Variants in CNTNAP2 observed in about 807,000 individuals in gnomAD.
The protein encoded by CNTNAP2 is contactin-associated protein-like 2.
In CNTNAP2, 98 loss-of-function variants were observed where a neutral mutation model predicts 155.2. That is an observed-to-expected ratio of 0.63 (90% CI 0.54 to 0.75). CNTNAP2 has a LOEUF of 0.75. Ranked by LOEUF, CNTNAP2 falls within the 30% of genes least tolerant of loss-of-function variation. The probability of loss-of-function intolerance (pLI) is 0.00; values close to 1 mark genes in which losing one functional copy is unlikely to be tolerated. For missense variants in CNTNAP2, 1,727 were observed against 1,688.1 expected (o/e 1.02, Z -0.40); for synonymous variants, 651 against 631.2 (o/e 1.03, Z -0.47).
intron 15 of CNTNAP2, among the ~76,000 whole-genome samples, chr7:148,096,879 T>A (rs904885055): frequency 1.3e-5 from 2 of 152,100 alleles, no homozygotes; most frequent in Non-Finnish European, 2.9e-5. Flanking sequence ...ACTCAAATAA[T>A]CATTAGCCAA....
At chr7:146,412,112 A>G (rs182742925) in intron 1 of CNTNAP2, among the ~76,000 whole-genome samples, 1 of 152,136 alleles carries the variant, frequency 6.6e-6, no homozygotes, top group African/African-American at 2.4e-5. Flanking sequence ...GGATTACAGG[A>G]GTGAGCCACC....
chr7:147,502,816 C>T (rs1182287704), intron 11 of CNTNAP2, among the ~76,000 whole-genome samples: 1 of 150,574 alleles, frequency 6.6e-6, no homozygotes, highest in Non-Finnish European at 1.5e-5. Flanking sequence ...GTCATGTGTA[C>T]CTCCATGAGA....
chr7:148,052,934 C>A (rs1423512015), intron 15 of CNTNAP2, among the ~76,000 whole-genome samples: 1 of 152,132 alleles, frequency 6.6e-6, no homozygotes, highest in African/African-American at 2.4e-5. Context: ...GTAGTCCCAG[C>A]TACTCGGGAG....
chr7:147,731,807 G>C (rs556706011), intron 13 of CNTNAP2, among the ~76,000 whole-genome samples: 2 of 152,256 alleles, frequency 1.3e-5, no homozygotes, highest in South Asian at 4.1e-4. Context: ...ATGAGAGGGA[G>C]TCAAAAGGTT....
At chr7:146,774,657 C>T (rs1027078770) in intron 2 of CNTNAP2, among the ~76,000 whole-genome samples, 16 of 151,942 alleles carry the variant, frequency 1.1e-4, no homozygotes, top group South Asian at 2.1e-4. Context: ...ATGGCATAAA[C>T]GTTTAGAGTT....
chr7:147,478,342 G>A (rs1375953235), intron 10 of CNTNAP2, among the ~76,000 whole-genome samples: 2 of 151,898 alleles, frequency 1.3e-5, no homozygotes, highest in African/African-American at 2.4e-5. Flanking sequence ...TATTAGAGAC[G>A]AGGTTTCACC....
At chr7:147,476,464 A>C (rs1798322652) in intron 10 of CNTNAP2, among the ~76,000 whole-genome samples, 1 of 150,284 alleles carries the variant, frequency 6.7e-6, no homozygotes, top group African/African-American at 2.4e-5. Flanking sequence ...TCCCGTTAGT[A>C]GTGTTTGTGG....
intron 13 of CNTNAP2, among the ~76,000 whole-genome samples, chr7:147,801,855 G>T (rs1002065474): frequency 6.6e-4 from 100 of 151,730 alleles, no homozygotes; most frequent in South Asian, 1.9e-3. Context: ...TCCCAGACGG[G>T]GGGGGCGGCC....
chr7:146,855,413 A>C (rs1006111113), intron 3 of CNTNAP2, among the ~76,000 whole-genome samples: 51 of 152,300 alleles, frequency 3.3e-4, no homozygotes, highest in African/African-American at 1.2e-3. Flanking sequence ...TTGTAATTAC[A>C]AAATATTGGA....
In CNTNAP2 at chr7:147,597,768, G is replaced by A. The variant is rs1474173775; in HGVS notation, c.1897+35511G>A. On this transcript the variant is annotated intron_variant, in intron 12 of 23. Transcript: ENST00000361727. ...CTTGGGGCTGGTTGCGAGTAAGAGT[G>A]GGAAATTCAAATTTGCAAAGTTAGT... 1.3e-5 allele frequency among the ~76,000 whole-genome samples: 2 copies of A among 152,160 alleles called. 1 individual carries two copies. Among genetic ancestry groups the A allele is most frequent in the Non-Finnish European group, 2.9e-5 (2 of 68,034 alleles).
chr7:147,930,142 A>G (rs143448111), intron 14 of CNTNAP2, among the ~76,000 whole-genome samples: 257 of 152,346 alleles, frequency 1.7e-3, no homozygotes, highest in African/African-American at 5.9e-3. Flanking sequence ...AAAGAAAAAA[A>G]AACAGGAAAG....
chr7:148,218,975 G>T (rs568820745), intron 19 of CNTNAP2, among the ~76,000 whole-genome samples: 1 of 117,486 alleles, frequency 8.5e-6, no homozygotes, highest in African/African-American at 3.4e-5. Flanking sequence ...ATGGAGTCTC[G>T]CTCCATCACC....
chr7:147,596,129 T>C (rs1381539447), intron 12 of CNTNAP2, among the ~76,000 whole-genome samples: 16 of 152,172 alleles, frequency 1.1e-4, no homozygotes, highest in Non-Finnish European at 1.9e-4. Context: ...ATCTGACTTG[T>C]TAAAAATGAA....
intron 4 of CNTNAP2, among the ~76,000 whole-genome samples, chr7:147,092,950 C>T (rs371989791): frequency 3.9e-5 from 6 of 151,926 alleles, no homozygotes; most frequent in East Asian, 1.9e-4. Context: ...TGGCCGGGCG[C>T]GGTGGCTCAC....
intron 13 of CNTNAP2, among the ~76,000 whole-genome samples, chr7:147,798,726 A>T (rs565136130): frequency 6.6e-6 from 1 of 152,316 alleles, no homozygotes; most frequent in African/African-American, 2.4e-5. Context: ...TGGATTTACC[A>T]TGATTGATTT....
intron 21 of CNTNAP2, among the ~76,000 whole-genome samples, chr7:148,336,321 A>G (rs577080599): frequency 4.3e-4 from 66 of 152,310 alleles, no homozygotes; most frequent in African/African-American, 1.4e-3. Context: ...AGTTTCATCT[A>G]GAGAAATATG....
intron 22 of CNTNAP2, among the ~76,000 whole-genome samples, chr7:148,387,653 T>C (rs1421735790): frequency 6.6e-6 from 1 of 152,162 alleles, no homozygotes; most frequent in East Asian, 1.9e-4. Context: ...GGTTCCCAGG[T>C]GACTTACCAC....
chr7:147,494,104 T>C (rs1363330309), intron 11 of CNTNAP2, among the ~76,000 whole-genome samples: 2 of 152,240 alleles, frequency 1.3e-5, no homozygotes, highest in African/African-American at 4.8e-5. Flanking sequence ...AATCACTTTT[T>C]GCACAAGGAA....
At chr7:147,787,910 C>A (rs1041001880) in intron 13 of CNTNAP2, among the ~76,000 whole-genome samples, 2 of 152,140 alleles carry the variant, frequency 1.3e-5, no homozygotes. Context: ...TTTTGTACTC[C>A]TCCCACAAAA....
Sources: allele counts gnomAD v4.1 joint callset (sites outside exome capture counted in the v4.1 genomes callset), GRCh38; gene constraint gnomAD v4.1.1; transcripts MANE v1.5; gene names NCBI Gene and HGNC (gene_info 2026-07-23, HGNC 2026-07-21).